Variants in PDE1A observed in about 807,000 individuals in gnomAD.
PDE1A encodes dual specificity calcium/calmodulin-dependent 3',5'-cyclic nucleotide phosphodiesterase 1A.
In PDE1A, 35 loss-of-function variants were observed where a neutral mutation model predicts 61.7. That is an observed-to-expected ratio of 0.57 (90% CI 0.43 to 0.75). The LOEUF (loss-of-function observed/expected upper bound fraction) is 0.75. PDE1A is among the 30% of genes least tolerant of loss of function. The pLI, the probability that PDE1A is intolerant of heterozygous loss-of-function variation, is 0.00. For missense variants in PDE1A, 597 were observed against 630.6 expected, an observed-to-expected ratio of 0.95 and a Z score of 0.57; for synonymous variants, 232 against 213.2, an observed-to-expected ratio of 1.09 and a Z score of -0.77.
the PDE1A span, among the ~76,000 whole-genome samples, chr2:182,561,650 A>G: frequency 3.9e-5 from 6 of 152,258 alleles, no homozygotes; most frequent in Admixed American, 1.3e-4. Flanking sequence ...CTTGGGCAGT[A>G]TGGCCATTTT....
chr2:182,532,660 T>TA, the PDE1A span, among the ~76,000 whole-genome samples: 1 of 152,134 alleles, frequency 6.6e-6, no homozygotes, highest in South Asian at 2.1e-4. Flanking sequence ...ATTATATACT[T>TA]AAAAATCAAT....
chr2:182,562,828 C>A, the PDE1A span, among the ~76,000 whole-genome samples: 1 of 152,116 alleles, frequency 6.6e-6, no homozygotes, highest in Non-Finnish European at 1.5e-5. Flanking sequence ...TCTAGATTTT[C>A]TAGTTTATTT....
intron 1 of PDE1A, among the ~76,000 whole-genome samples, chr2:182,287,452 T>G (rs941727091): frequency 7.2e-5 from 11 of 152,136 alleles, no homozygotes; most frequent in African/African-American, 2.7e-4. Context: ...TATTTATGAC[T>G]CCACATGCAG....
At chr2:182,695,086 T>A in the PDE1A span, among the ~76,000 whole-genome samples, 1 of 152,142 alleles carries the variant, frequency 6.6e-6, no homozygotes, top group African/African-American at 2.4e-5. Context: ...TTCCTATTGT[T>A]TTCTTTGAAA....
At chr2:182,637,950 A>C in the PDE1A span, among the ~76,000 whole-genome samples, 1 of 152,134 alleles carries the variant, frequency 6.6e-6, no homozygotes, top group African/African-American at 2.4e-5. Context: ...AGTCATACAA[A>C]AAAGGAAAAG....
the PDE1A span, among the ~76,000 whole-genome samples, chr2:182,551,841 T>C: frequency 4.6e-5 from 7 of 152,176 alleles, no homozygotes; most frequent in African/African-American, 4.8e-5. Context: ...TCAAGGTAGA[T>C]AGAAGGCTTA....
intron 2 of PDE1A, among the ~76,000 whole-genome samples, chr2:182,511,647 C>A (rs138796025): frequency 6.6e-6 from 1 of 152,162 alleles, no homozygotes; most frequent in Non-Finnish European, 1.5e-5. Flanking sequence ...TGCTAACAGG[C>A]TTTGGCTTGT....
At chr2:182,311,380 A>C (rs1695960647) in intron 1 of PDE1A, among the ~76,000 whole-genome samples, 1 of 152,238 alleles carries the variant, frequency 6.6e-6, no homozygotes, top group Non-Finnish European at 1.5e-5. Context: ...TGTAACAAAA[A>C]TAATCTTTCT....
At chr2:182,389,774 G>A (rs1701317659) in intron 1 of PDE1A, among the ~76,000 whole-genome samples, 1 of 152,116 alleles carries the variant, frequency 6.6e-6, no homozygotes, top group Non-Finnish European at 1.5e-5. Flanking sequence ...CCCTCAATCT[G>A]GGTGAGCACC....
At chr2:182,290,860 C>A (rs1323546562) in intron 1 of PDE1A, among the ~76,000 whole-genome samples, 1 of 151,906 alleles carries the variant, frequency 6.6e-6, no homozygotes, top group Non-Finnish European at 1.5e-5. Context: ...CCTTCCATAA[C>A]CCCAGCTGGA....
the PDE1A span, among the ~76,000 whole-genome samples, chr2:182,686,769 C>T: frequency 6.6e-6 from 1 of 152,242 alleles, no homozygotes; most frequent in African/African-American, 2.4e-5. Flanking sequence ...TCAGGGAATT[C>T]CCTTTCATAG....
chr2:182,244,749 T>C (rs1446828772), intron 2 of PDE1A, among the ~76,000 whole-genome samples: 1 of 152,200 alleles, frequency 6.6e-6, no homozygotes, highest in East Asian at 1.9e-4. Flanking sequence ...GGTTTCTTTT[T>C]GAAAATTGTT....
chr2:182,219,371 C>A (rs915774119), intron 7 of PDE1A, among the ~76,000 whole-genome samples: 2 of 151,990 alleles, frequency 1.3e-5, no homozygotes, highest in Non-Finnish European at 2.9e-5. Context: ...ATATTTCAAG[C>A]ATTCTCAGAT....
At chr2:182,662,352 C>CAAAAAAAAAAACA in the PDE1A span, among the ~76,000 whole-genome samples, 2 of 115,526 alleles carry the variant, frequency 1.7e-5, no homozygotes, top group African/African-American at 6.2e-5. Context: ...AAAAAAAAAA[C>CAAAAAAAAAAACA]AAAAAAAAAC....
the PDE1A span, among the ~76,000 whole-genome samples, chr2:182,644,899 A>G: frequency 4.9e-4 from 75 of 152,336 alleles, no homozygotes; most frequent in Non-Finnish European, 7.5e-4. Flanking sequence ...AGATAATAGC[A>G]TTAAATTATT....
intron 1 of PDE1A, among the ~76,000 whole-genome samples, chr2:182,415,040 T>C (rs1001012425): frequency 6.6e-6 from 1 of 152,146 alleles, no homozygotes; most frequent in Non-Finnish European, 1.5e-5. Flanking sequence ...TAGATTATTA[T>C]TGAAGTAAAC....
chr2:182,378,494 C>T (rs563967118), intron 1 of PDE1A, among the ~76,000 whole-genome samples: 69 of 152,286 alleles, frequency 4.5e-4, no homozygotes, highest in African/African-American at 1.7e-3. Flanking sequence ...ATAAATTACA[C>T]CTCAATTAAT....
At chr2:182,300,248 A>G (rs563189651) in intron 1 of PDE1A, among the ~76,000 whole-genome samples, 88 of 152,334 alleles carry the variant, frequency 5.8e-4, no homozygotes, top group Admixed American at 2.7e-3. Context: ...AAATATACTG[A>G]GAAAATATAA....
At chr2:182,539,345 A>C in the PDE1A span, among the ~76,000 whole-genome samples, 1 of 152,154 alleles carries the variant, frequency 6.6e-6, no homozygotes, top group African/African-American at 2.4e-5. Context: ...CTGTCCTCCC[A>C]CTAGCTGCTA....
Sources: gnomAD v4.1 joint callset for allele counts (sites outside exome capture counted in the v4.1 genomes callset) on GRCh38, gnomAD v4.1.1 for gene constraint, MANE v1.5 for transcripts, NCBI Gene and HGNC (gene_info 2026-07-23, HGNC 2026-07-21) for gene names.